KCND1: variants seen among roughly 807,000 people sequenced by gnomAD.
The protein encoded by KCND1 is potassium voltage-gated channel subfamily D member 1, also known as A-type voltage-gated potassium channel KCND1.
A neutral mutation model predicts 31.8 loss-of-function variants in KCND1; 11 were observed. That is an observed-to-expected ratio of 0.35 (90% confidence interval 0.22 to 0.57). The LOEUF (loss-of-function observed/expected upper bound fraction) is 0.57, where lower values mean the gene tolerates loss of function less well. Among genes scored for constraint, KCND1 ranks in the 20% least tolerant of loss-of-function variants. The pLI is 0.85. For synonymous variants in KCND1, 234 were observed against 248.1 expected (o/e 0.94, Z 0.53); for missense variants, 471 against 596.8 (o/e 0.79, Z 2.20).
intron 5 of KCND1, among the ~76,000 whole-genome samples, chrX:48,965,791 G>A (rs1031788630): frequency 2.7e-5 from 3 of 109,398 alleles, no homozygotes; most frequent in East Asian, 2.9e-4. Context: ...CAGGAGAATC[G>A]CTTGAACCCA....
In KCND1 at chrX:48,966,612, T is replaced by C. The variant is rs2064354943; in HGVS notation, c.1433A>G (p.His478Arg). 2.5e-6 allele frequency: 3 copies of C among 1,210,163 alleles called. No individual in the cohort carries two copies. Among genetic ancestry groups the C allele is most frequent in the Non-Finnish European group, 3.4e-6 (3 of 894,493 alleles). The change falls in exon 4 of 6, where the codon CAT (histidine) becomes CGT (arginine). Residue 478 changes from histidine to arginine, a missense_variant. His to Arg is a conservative substitution (Grantham distance 29). Coordinates refer to ENST00000218176, the MANE Select transcript of KCND1 (RefSeq NM_004979.6). ...VRNRSAFEQQ[H>R]HHLLHCLEKT... Reference sequence around the variant, plus strand: ...CTCTAGACAGTGCAGCAAGTGGTGATGTTGCTGTTCAAAGGCAGAACGGTT... The same window carrying C: ...CTCTAGACAGTGCAGCAAGTGGTGACGTTGCTGTTCAAAGGCAGAACGGTT...
chrX:48,969,866 A>G lies in KCND1; in HGVS notation c.406T>C (p.Tyr136His). The stretch of plus-strand genomic sequence containing the variant: ...GCATTCTCCTTCTTTCGGTCCCGAT[A>G]CTCTTCAAGGCAGCAGTCACCGACT... The part of the protein sequence containing the change: ...ELVGDCCLEE[Y>H]RDRKKENAER... Residue 136 changes from tyrosine to histidine, a missense_variant, in exon 1 of 6, where the codon TAT becomes CAT. Around this residue, in one of 3 missense-constraint regions of KCND1, gnomAD observed 212 missense variants for 257.9 expected, o/e 0.82. Transcript: ENST00000218176. 8.3e-7 allele frequency: 1 copy of G among 1,210,364 alleles called. No individual in the cohort carries two copies. The highest frequency in any genetic ancestry group is 1.1e-6 in the Non-Finnish European group (1 of 895,036).
rs1557058808 is a variant in KCND1 at position 48,970,390 on chromosome X, G to T, written c.-119C>A. On this transcript the variant is annotated 5_prime_UTR_variant, in exon 1 of 6. Transcript: ENST00000218176. ...AGCCACCCAAACAAGGAAACTGGGGGTGTCTAGAGAGGCCAAGAGGAACCA... is the reference window on the plus strand; with the variant it reads ...AGCCACCCAAACAAGGAAACTGGGGTTGTCTAGAGAGGCCAAGAGGAACCA... 6 of 672,731 alleles carry T rather than the reference G, an allele frequency of 8.9e-6. No individual in the cohort carries two copies. Among genetic ancestry groups the T allele is most frequent in the Non-Finnish European group, 1.3e-5 (6 of 463,507 alleles). 55.4% of individuals were successfully genotyped at this position (672,731 alleles called of 1,213,427 possible).
In KCND1 at chrX:48,969,737, G is replaced by T; in HGVS notation, c.535C>A (p.Pro179Thr). The T allele has an allele frequency of 8.3e-7, 1 of 1,208,989 alleles. No homozygotes were observed. The highest frequency in any genetic ancestry group is 1.1e-6 in the Non-Finnish European group (1 of 894,464). Residue 179 changes from proline to threonine, a missense_variant, in exon 1 of 6, where the codon CCA becomes ACA. Transcript: ENST00000218176. The stretch of plus-strand genomic sequence containing the variant: ...ACGAGGGCTGCGGTGCTCGTGTGTG[G>T]ATTCTCGAAGGCCCGCCAGAGCCGC... Reference protein sequence around the residue: ...RQRLWRAFENPHTSTAALVFY... With the variant: ...RQRLWRAFENTHTSTAALVFY...
At position 48,969,567 on chromosome X, in the gene KCND1, G is replaced by A. The variant is rs1557058509; in HGVS notation, c.705C>T (p.Asp235=). The A allele has an allele frequency of 8.3e-7, 1 of 1,210,787 alleles. No homozygotes were observed. The highest frequency in any genetic ancestry group is 2.2e-5 in the Admixed American group (1 of 45,991). The change falls in exon 1 of 6, where the codon GAC becomes GAT. Residue 235 remains aspartate, a synonymous_variant. Coordinates refer to ENST00000218176, the MANE Select transcript of KCND1 (RefSeq NM_004979.6). ...ERFPQAFFCM[D]TACVLIFTGE... ...CTGTGAATATGAGTACACAGGCTGT[G>A]TCCATGCAGAAAAAGGCCTGTGGGA...
rs782739049 is a variant in KCND1, at chrX:48,970,266, C to T, written c.6G>A (p.Ala2=). The change falls in exon 1 of 6, where the codon GCG becomes GCA. Residue 2 remains alanine, a synonymous_variant. Coordinates refer to ENST00000218176, the MANE Select transcript of KCND1 (RefSeq NM_004979.6). ...AAGGCAGCCACGTGGCCAGGCCTGCCGCCATCGTGCCACTCCCCAAGCCCA... is the reference window on the plus strand; with the variant it reads ...AAGGCAGCCACGTGGCCAGGCCTGCTGCCATCGTGCCACTCCCCAAGCCCA... M[A]AGLATWLPFA... is the part of the protein sequence containing the mutation. The T allele has an allele frequency of 2.5e-5, 30 of 1,194,712 alleles. No individual in the cohort carries two copies. The highest frequency in any genetic ancestry group is 4.7e-4 in the Middle Eastern group (2 of 4,271).
rs782151676 is a variant in KCND1, at chrX:48,964,819, C to T, written c.1718+1236G>A. Among the ~76,000 whole-genome samples the T allele has an allele frequency of 1.2e-3, 124 of 104,931 alleles. 1 individual carries two copies. Among genetic ancestry groups the T allele is most frequent in the African/African-American group, 4.2e-3 (120 of 28,864 alleles). 91.1% of individuals were successfully genotyped at this position (104,931 alleles called of 115,157 possible). ...CAGGTGGATCATGAGGTCAGGAGAT[C>T]GATACCATCCTGGCCAACATGGTGA... On this transcript the variant is annotated intron_variant, in intron 5 of 5. Coordinates refer to ENST00000218176, the MANE Select transcript of KCND1 (RefSeq NM_004979.6).
In KCND1 at chrX:48,970,550, G is replaced by T; in HGVS notation, c.-279C>A. 3.0e-6 allele frequency: 1 copy of T among 329,167 alleles called. No homozygotes were observed. Among genetic ancestry groups the T allele is most frequent in the Non-Finnish European group, 5.2e-6 (1 of 191,071 alleles). The allele number at this position is 329,167 out of a possible 1,213,427, so 27.1% of individuals were successfully genotyped here. On this transcript the variant is annotated 5_prime_UTR_variant, in exon 1 of 6. Coordinates refer to ENST00000218176, the MANE Select transcript of KCND1 (RefSeq NM_004979.6). ...GAGCAGAAAAGGGGTGTGGGGATGG[G>T]GCCAAGAAGGAGCTGAGGGAGGGTT...
At position 48,961,727 on chromosome X, in the gene KCND1, C is replaced by G. The variant is rs1260031876; in HGVS notation, c.*854G>C. Reference sequence around the variant, plus strand: ...GCTGGTTGCCAGGCTCTTATCTCAGCCAGTCCAGACTCCAGCCCAACCCAG... The same window carrying G: ...GCTGGTTGCCAGGCTCTTATCTCAGGCAGTCCAGACTCCAGCCCAACCCAG... On this transcript the variant is annotated 3_prime_UTR_variant, in exon 6 of 6. Transcript: ENST00000218176. 1 of 111,911 alleles carries G rather than the reference C, an allele frequency of 8.9e-6. No individual in the cohort carries two copies. The highest frequency in any genetic ancestry group is 3.3e-5 in the African/African-American group (1 of 30,625). 9.2% of individuals were successfully genotyped at this position (111,911 alleles called of 1,213,427 possible).
At position 48,969,977 on chromosome X, in the gene KCND1, G is replaced by A. The variant is rs370086967; in HGVS notation, c.295C>T (p.Arg99Ter). 6 of 1,210,300 alleles carry A rather than the reference G, an allele frequency of 5.0e-6. No homozygotes were observed. Among genetic ancestry groups the A allele is most frequent in the Non-Finnish European group, 6.7e-6 (6 of 894,994 alleles). ...DMFRHVLNFY[R>*]TGRLHCPRQE... ...CGTGGGCAATGCAGCCGCCCCGTTCGGTAGAAGTTCAGCACATGGCGGAAC... is the reference window on the plus strand; with the variant it reads ...CGTGGGCAATGCAGCCGCCCCGTTCAGTAGAAGTTCAGCACATGGCGGAAC... The change falls in exon 1 of 6, where the codon CGA becomes TGA. Residue 99 changes from arginine (R) to a stop codon, truncating the protein, a stop_gained. Transcript: ENST00000218176. LOFTEE classifies it high-confidence loss of function.
At position 48,966,001 on chromosome X, in the gene KCND1, G is replaced by A. The variant is rs1557057892; in HGVS notation, c.1718+54C>T. On this transcript the variant is annotated intron_variant, in intron 5 of 5. Coordinates refer to ENST00000218176, the MANE Select transcript of KCND1 (RefSeq NM_004979.6). Reference sequence around the variant, plus strand: ...GGAGTTATGAAATCTCAGAGCTACTGGTCTAAGCTCTGAGCTTCCCCAGGT... The same window carrying A: ...GGAGTTATGAAATCTCAGAGCTACTAGTCTAAGCTCTGAGCTTCCCCAGGT... 9.4e-6 allele frequency: 11 copies of A among 1,167,311 alleles called. No individual in the cohort carries two copies. In the Admixed American group the frequency reaches 2.5e-4, roughly 26 times the overall value.
At chrX:48,964,156 T>C (rs1385964919) in intron 5 of KCND1, among the ~76,000 whole-genome samples, 7 of 111,684 alleles carry the variant, frequency 6.3e-5, no homozygotes, top group African/African-American at 9.8e-5. Flanking sequence ...CCGAGGCAGG[T>C]GGACCACCTG....
At chrX:48,968,951 G>A (rs1557058367) in intron 1 of KCND1, among the ~76,000 whole-genome samples, 200 bp downstream of exon 1, 1 of 111,845 alleles carries the variant, frequency 8.9e-6, no homozygotes, top group Non-Finnish European at 1.9e-5. Context: ...CTACTTGGGA[G>A]TCTGAGGCTG....
rs1557058538 is a variant in KCND1 at position 48,969,633 on chromosome X, A to C, written c.639T>G (p.Ser213=). 7.4e-6 allele frequency: 9 copies of C among 1,211,221 alleles called. No homozygotes were observed. Among genetic ancestry groups the C allele is most frequent in the Non-Finnish European group, 1.0e-5 (9 of 895,340 alleles). ...NVVETIPCRG[S]ARRSSREQPC... ...GCTGCTCCCTTGAGGACCTGCGTGCAGAGCCGCGGCATGGGATGGTCTCCA... is the reference window on the plus strand; with the variant it reads ...GCTGCTCCCTTGAGGACCTGCGTGCCGAGCCGCGGCATGGGATGGTCTCCA... The change falls in exon 1 of 6, where the codon TCT becomes TCG. Residue 213 remains serine, a synonymous_variant. Transcript: ENST00000218176.
intron 5 of KCND1, among the ~76,000 whole-genome samples, chrX:48,965,082 C>T (rs1206260586): frequency 2.1e-5 from 2 of 94,466 alleles, no homozygotes; most frequent in Non-Finnish European, 4.2e-5. Context: ...GACAGCGTTT[C>T]ACTCTTGTTG....
Position 48,971,666 on chromosome X carries a change from G to A in KCND1, c.-1395C>T, listed in dbSNP as rs1419515965. 2 of 111,674 alleles carry A rather than the reference G, an allele frequency of 1.8e-5. No individual in the cohort carries two copies. Among genetic ancestry groups the A allele is most frequent in the Non-Finnish European group, 3.8e-5 (2 of 52,947 alleles). 9.2% of individuals were successfully genotyped at this position (111,674 alleles called of 1,213,427 possible). A position where few individuals can be genotyped will look rare whatever the true frequency, so the allele number is the denominator to read the frequency against. On this transcript the variant is annotated 5_prime_UTR_variant, in exon 1 of 6. Transcript: ENST00000218176. The stretch of plus-strand genomic sequence containing the variant: ...ACTATCCCAGGATGGGTTAGGGCGT[G>A]GGGGCTGGACCAGGGAAGGATGAGG...
intron 5 of KCND1, among the ~76,000 whole-genome samples, chrX:48,965,146 G>A (rs968428236): frequency 0.086 from 8,874 of 103,488 alleles, 478 homozygotes; most frequent in Non-Finnish European, 0.12. Context: ...TCCACCTCCC[G>A]GGTTCAGGCA....
intron 5 of KCND1, among the ~76,000 whole-genome samples, chrX:48,964,669 G>A (rs1227618019): frequency 2.1e-4 from 21 of 98,738 alleles, no homozygotes; most frequent in Admixed American, 1.5e-3. Context: ...GCAGTGAGCC[G>A]AGATCACGCC....
Position 48,970,183 on chromosome X carries a change from G to A in KCND1, c.89C>T (p.Ala30Val), listed in dbSNP as rs1381228304. Residue 30 changes from alanine (A) to valine (V), a missense_variant, in exon 1 of 6, where the codon GCA becomes GTA. By Grantham distance (64) the Ala-to-Val change is moderately conservative. This residue lies in a region of KCND1 where 212 missense variants were observed against 257.9 expected (regional missense o/e 0.82). Transcript: ENST00000218176. ...LPLAQQPLPP[A>V]PGVKASRGDE... ...TCCTCGAGATGCCTTCACCCCCGGT[G>A]CCGGGGGCAGGGGTTGCTGGGCCAG... 2.5e-6 allele frequency: 3 copies of A among 1,207,035 alleles called. No homozygotes were observed. The highest frequency in any genetic ancestry group is 3.0e-5 in the East Asian group (1 of 33,675).
Sources: allele counts gnomAD v4.1 joint callset (sites outside exome capture counted in the v4.1 genomes callset), GRCh38; gene constraint gnomAD v4.1.1; regional missense constraint gnomAD v4.1.1; transcripts MANE v1.5; gene names NCBI Gene and HGNC (gene_info 2026-07-23, HGNC 2026-07-21).